TMTC1: variants seen among roughly 807,000 people sequenced by gnomAD.
TMTC1 encodes the protein protein O-mannosyl-transferase TMTC1.
TMTC1 carries 73 observed loss-of-function variants against 104.8 expected under a neutral mutation model. The observed-to-expected ratio is 0.70, with a 90% CI of 0.58 to 0.85. TMTC1 has a LOEUF of 0.85. Ranked by LOEUF, TMTC1 falls within the 40% of genes least tolerant of loss-of-function variation. The probability of loss-of-function intolerance (pLI) is 0.00; values close to 1 mark genes in which losing one functional copy is unlikely to be tolerated. For synonymous variants in TMTC1, 434 were observed against 428.7 expected, an observed-to-expected ratio of 1.01 and a Z score of -0.15; for missense variants, 1,035 against 1,096.1, an observed-to-expected ratio of 0.94 and a Z score of 0.79.
At chr12:29,661,272 TG>T in intron 5 of TMTC1, 1 of 712,942 alleles carries the variant, frequency 1.4e-6, no homozygotes, top group Non-Finnish European at 1.7e-6. Context: ...ACAGTTACAC[TG>T]GTCACAGGGA....
chr12:29,704,414 A>T (rs879763621), intron 5 of TMTC1, among the ~76,000 whole-genome samples: 5 of 152,242 alleles, frequency 3.3e-5, no homozygotes, highest in African/African-American at 7.2e-5. Context: ...AAAGGAATGC[A>T]TCTTGGGGGC....
At chr12:29,700,494 C>T (rs1941557752) in intron 5 of TMTC1, among the ~76,000 whole-genome samples, 1 of 152,094 alleles carries the variant, frequency 6.6e-6, no homozygotes, top group Admixed American at 6.6e-5. Flanking sequence ...GCCACCGCAC[C>T]AGGCCTTGGA....
At chr12:29,750,062 T>TACAC (rs34859060) in intron 5 of TMTC1, among the ~76,000 whole-genome samples, 6,598 of 146,580 alleles carry the variant, frequency 0.045, 186 homozygotes, top group Non-Finnish European at 0.065. Context: ...TAACTGTCTA[T>TACAC]ACACACACAC....
In TMTC1 at chr12:29,682,319, T is replaced by C. The variant is rs116226618; in HGVS notation, c.939-48983A>G. On this transcript the variant is annotated intron_variant, in intron 5 of 17. Transcript: ENST00000539277. ...TACCGTGAGTCACTCTGGAATATAG[T>C]TTGGCAGCGTCTTAAAAAGCTCAAC... Among the ~76,000 whole-genome samples the C allele has an allele frequency of 6.0e-3, 910 of 152,238 alleles. 11 individuals are homozygous for C. The highest frequency in any genetic ancestry group is 0.02 in the African/African-American group (841 of 41,542).
At chr12:29,509,503 G>GTA (rs931225779) in intron 17 of TMTC1, among the ~76,000 whole-genome samples, 2 of 152,120 alleles carry the variant, frequency 1.3e-5, no homozygotes, top group African/African-American at 4.8e-5. Flanking sequence ...CTAGGAATGG[G>GTA]TAACAATGCC....
chr12:29,671,227 C>T lies in TMTC1; in HGVS notation c.939-37891G>A, dbSNP rs568010339. 1.3e-4 allele frequency among the ~76,000 whole-genome samples: 19 copies of T among 150,984 alleles called. No individual in the cohort carries two copies. In the South Asian group the frequency reaches 3.6e-3, roughly 28 times the overall value. On this transcript the variant is annotated intron_variant, in intron 5 of 17. Transcript: ENST00000539277. ...AGGAGAATCACCTGAACCTGGGAGGCCTCCGGAGGTTGCAGTGAGCAGCGA... is the reference window on the plus strand; with the variant it reads ...AGGAGAATCACCTGAACCTGGGAGGTCTCCGGAGGTTGCAGTGAGCAGCGA...
chr12:29,741,995 C>G (rs965540509), intron 5 of TMTC1, among the ~76,000 whole-genome samples: 1 of 152,068 alleles, frequency 6.6e-6, no homozygotes, highest in Non-Finnish European at 1.5e-5. Flanking sequence ...TTTTTTCCAT[C>G]ATAATTGCAG....
At chr12:29,624,204 T>C (rs7966415) in intron 6 of TMTC1, among the ~76,000 whole-genome samples, 59,142 of 151,838 alleles carry the variant, frequency 0.39, 12,402 homozygotes, top group South Asian at 0.6. Context: ...GGCTTCAAAC[T>C]CCTGACCTCA....
intron 9 of TMTC1, among the ~76,000 whole-genome samples, chr12:29,566,770 T>C (rs1945528343): frequency 6.6e-6 from 1 of 152,220 alleles, no homozygotes; most frequent in Non-Finnish European, 1.5e-5. Context: ...AATTATCTTG[T>C]AATCCTCCAA....
At chr12:29,569,841 T>C (rs1945618077) in intron 9 of TMTC1, among the ~76,000 whole-genome samples, 2 of 152,202 alleles carry the variant, frequency 1.3e-5, no homozygotes, top group Admixed American at 1.3e-4. Flanking sequence ...GCTTTAATTG[T>C]TTTTCCCCAT....
At chr12:29,588,681 A>G (rs1241802193) in intron 7 of TMTC1, among the ~76,000 whole-genome samples, 1 of 152,214 alleles carries the variant, frequency 6.6e-6, no homozygotes. Context: ...GTGATACATT[A>G]CATGGATAAA....
At chr12:29,614,886 C>T (rs868601916) in intron 6 of TMTC1, among the ~76,000 whole-genome samples, 2 of 152,154 alleles carry the variant, frequency 1.3e-5, no homozygotes, top group Non-Finnish European at 2.9e-5. Flanking sequence ...CAATAAATTA[C>T]TCCCCAAGTG....
intron 6 of TMTC1, among the ~76,000 whole-genome samples, chr12:29,631,467 AT>A (rs1165299231): frequency 2.0e-5 from 3 of 152,168 alleles, no homozygotes; most frequent in African/African-American, 4.8e-5. Flanking sequence ...CCTTACAGAT[AT>A]TCAGTTACAT....
chr12:29,636,998 T>A (rs1411466112), intron 5 of TMTC1, among the ~76,000 whole-genome samples: 3 of 151,602 alleles, frequency 2.0e-5, no homozygotes, highest in Non-Finnish European at 4.4e-5. Flanking sequence ...AGGTCAAGGC[T>A]GGAGTGAGCA....
chr12:29,669,368 G>A (rs1940415047), intron 5 of TMTC1, among the ~76,000 whole-genome samples: 1 of 152,164 alleles, frequency 6.6e-6, no homozygotes, highest in East Asian at 1.9e-4. Flanking sequence ...GATGGCAATG[G>A]ACAGTCAGTG....
intron 16 of TMTC1, 70 bp from the exon 17 acceptor site, chr12:29,512,190 T>C: frequency 1.6e-6 from 2 of 1,286,064 alleles, no homozygotes; most frequent in East Asian, 2.4e-5. Context: ...GAAACCACTT[T>C]CTTCACGTGT....
chr12:29,660,002 T>A lies in TMTC1; in HGVS notation c.939-26666A>T, dbSNP rs1565747156. The A allele has an allele frequency of 2.0e-6, 3 of 1,515,652 alleles. No homozygotes were observed. The South Asian group carries it at 3.6e-5, about 18-fold the overall frequency. 93.9% of individuals were successfully genotyped at this position (1,515,652 alleles called of 1,614,324 possible). A position where few individuals can be genotyped will look rare whatever the true frequency, so the allele number is the denominator to read the frequency against. ...CAAGCACCTTCAGAAAATAAGAAGATTCAGTGAGATTGCCACCAATAATCT... is the reference window on the plus strand; with the variant it reads ...CAAGCACCTTCAGAAAATAAGAAGAATCAGTGAGATTGCCACCAATAATCT... On this transcript the variant is annotated intron_variant, in intron 5 of 17. Transcript: ENST00000539277.
At chr12:29,569,071 T>C (rs554006785) in intron 9 of TMTC1, 6 of 441,350 alleles carry the variant, frequency 1.4e-5, no homozygotes, top group Non-Finnish European at 2.7e-5. Flanking sequence ...GAAAAGGGTT[T>C]TGACATTTTT....
chr12:29,556,328 T>C (rs1945245569), intron 10 of TMTC1, among the ~76,000 whole-genome samples: 1 of 152,228 alleles, frequency 6.6e-6, no homozygotes, highest in Non-Finnish European at 1.5e-5. Context: ...AGCACCACTT[T>C]ATTTCTCACC....
Sources: allele counts gnomAD v4.1 joint callset (sites outside exome capture counted in the v4.1 genomes callset), GRCh38; gene constraint gnomAD v4.1.1; transcripts MANE v1.5; gene names NCBI Gene and HGNC (gene_info 2026-07-23, HGNC 2026-07-21).